The following XIRP2 variants were observed in gnomAD, a reference collection of about 807,000 sequenced individuals.
The protein encoded by XIRP2 is xin actin binding repeat containing 2, also known as xin actin-binding repeat-containing protein 2.
In XIRP2, 236 loss-of-function variants were observed where a neutral mutation model predicts 277.0. That is an observed-to-expected ratio of 0.85 (90% CI 0.77 to 0.95). The LOEUF is 0.95. Ranked by LOEUF, XIRP2 falls within the 40% of genes least tolerant of loss-of-function variation. XIRP2 has a pLI of 0.00. For missense variants in XIRP2, 4,640 were observed against 4,157.5 expected, an observed-to-expected ratio of 1.12 and a Z score of -3.19; for synonymous variants, 1,490 against 1,416.5, an observed-to-expected ratio of 1.05 and a Z score of -1.17.
At chr2:166,931,313 T>A (rs1036383294) in intron 2 of XIRP2, among the ~76,000 whole-genome samples, 5 of 152,172 alleles carry the variant, frequency 3.3e-5, no homozygotes, top group African/African-American at 9.7e-5. Context: ...TGTACACATT[T>A]CATGTGTGCA....
rs780874928 is a variant in XIRP2, at chr2:167,243,197, G to T, written c.1805G>T (p.Gly602Val). 1 of 1,614,076 alleles carries T rather than the reference G, an allele frequency of 6.2e-7. No individual in the cohort carries two copies. Among genetic ancestry groups the T allele is most frequent in the South Asian group, 1.1e-5 (1 of 91,068 alleles). ...CCTGATGAAGGTGATATTTCCAGGG[G>T]CATTGCTGATCAAGAAATCATTGCT... ...GSPDEGDISR[G>V]IADQEIIAGG... Residue 602 changes from glycine (G) to valine (V), a missense_variant, in exon 9 of 11, where the codon GGC becomes GTC. Coordinates refer to ENST00000409195, the MANE Select transcript of XIRP2 (RefSeq NM_152381.6).
chr2:167,166,829 GATTTGGGAGGGACAAAC>G (rs2105345712), intron 3 of XIRP2, among the ~76,000 whole-genome samples: 1 of 152,252 alleles, frequency 6.6e-6, no homozygotes, highest in African/African-American at 2.4e-5. Context: ...CTCAACATGA[GATTTGGGAGGGACAAAC>G]ATCCAAATTA....
chr2:167,024,093 G>A (rs1688071642), intron 2 of XIRP2, among the ~76,000 whole-genome samples: 1 of 146,980 alleles, frequency 6.8e-6, no homozygotes, highest in South Asian at 2.3e-4. Context: ...CATGAGCATG[G>A]AATGTTCTTC....
At position 167,247,088 on chromosome 2, in the gene XIRP2, T is replaced by A. The variant is rs748428961; in HGVS notation, c.5696T>A (p.Ile1899Asn). Reference protein sequence around the residue: ...DAIPGDIEKAIECLEKATNTK... With the variant: ...DAIPGDIEKANECLEKATNTK... ...ATCCCTGGTGATATTGAAAAAGCTA[T>A]TGAATGCCTTGAAAAAGCTACAAAT... Residue 1899 changes from isoleucine to asparagine, a missense_variant, in exon 9 of 11, where the codon ATT (isoleucine) becomes AAT (asparagine). Transcript: ENST00000409195. The A allele has an allele frequency of 7.4e-6, 12 of 1,612,662 alleles. No individual in the cohort carries two copies. The East Asian group carries it at 2.0e-4, about 27-fold the overall frequency.
intron 2 of XIRP2, among the ~76,000 whole-genome samples, chr2:167,117,411 G>A (rs979391378): frequency 1.3e-5 from 2 of 151,980 alleles, no homozygotes; most frequent in Admixed American, 6.6e-5. Context: ...ACTCAAATGC[G>A]ACCTTTGTTT....
At chr2:167,071,514 G>A (rs1281698617) in intron 2 of XIRP2, among the ~76,000 whole-genome samples, 1 of 152,096 alleles carries the variant, frequency 6.6e-6, no homozygotes, top group Non-Finnish European at 1.5e-5. Context: ...TTACCTTATG[G>A]GAGCAAACTC....
At chr2:167,158,217 A>G (rs769010777) in intron 3 of XIRP2, among the ~76,000 whole-genome samples, 10 of 152,196 alleles carry the variant, frequency 6.6e-5, no homozygotes, top group Non-Finnish European at 1.2e-4. Flanking sequence ...TTCTGAGACT[A>G]TATGGTTTTA....
chr2:167,021,575 G>A lies in XIRP2; in HGVS notation c.409-114334G>A, dbSNP rs147193264. Reference sequence around the variant, plus strand: ...TTCTTTAAAAGATTTACAGCTATCTGCAGTGGCTGATGTCTGGAATCCCAG... The same window carrying A: ...TTCTTTAAAAGATTTACAGCTATCTACAGTGGCTGATGTCTGGAATCCCAG... On this transcript the variant is annotated intron_variant, in intron 2 of 10. Transcript: ENST00000409195. Among the ~76,000 whole-genome samples, 604 of 152,076 alleles carry A rather than the reference G, an allele frequency of 4.0e-3. 5 individuals are homozygous for A. The highest frequency in any genetic ancestry group is 0.014 in the African/African-American group (572 of 41,510).
intron 3 of XIRP2, among the ~76,000 whole-genome samples, chr2:167,162,091 A>G (rs1171628179): frequency 1.3e-5 from 2 of 152,212 alleles, no homozygotes; most frequent in East Asian, 3.9e-4. Context: ...TCTACATCTG[A>G]GACCCCCTCA....
chr2:167,203,285 A>C (rs902473475), intron 3 of XIRP2, among the ~76,000 whole-genome samples: 1 of 152,220 alleles, frequency 6.6e-6, no homozygotes, highest in African/African-American at 2.4e-5. Context: ...AATCTCTTCC[A>C]GTATCTGGTG....
At chr2:167,045,192 T>G (rs568519257) in intron 2 of XIRP2, among the ~76,000 whole-genome samples, 7 of 152,210 alleles carry the variant, frequency 4.6e-5, no homozygotes, top group Admixed American at 1.3e-4. Flanking sequence ...GATAGTTGGC[T>G]AGCCATATGC....
Position 167,243,698 on chromosome 2 carries a change from C to T in XIRP2, c.2306C>T (p.Thr769Ile). The T allele has an allele frequency of 6.2e-7, 1 of 1,614,010 alleles. No homozygotes were observed. The highest frequency in any genetic ancestry group is 8.5e-7 in the Non-Finnish European group (1 of 1,179,928). ...REDVEKGDVR[T>I]ARWMFETQPL... ...GACGTTGAAAAGGGAGATGTAAGAA[C>T]AGCACGGTGGATGTTTGAAACACAG... Residue 769 changes from threonine to isoleucine, a missense_variant, in exon 9 of 11, where the codon ACA becomes ATA. Transcript: ENST00000409195.
chr2:166,975,595 A>G (rs550084890), intron 2 of XIRP2, among the ~76,000 whole-genome samples: 5 of 152,318 alleles, frequency 3.3e-5, no homozygotes, highest in Admixed American at 1.3e-4. Flanking sequence ...AATGTCCTAC[A>G]TTCTAATTAG....
chr2:166,921,932 C>T (rs891324654), intron 2 of XIRP2, among the ~76,000 whole-genome samples: 1 of 152,164 alleles, frequency 6.6e-6, no homozygotes, highest in Non-Finnish European at 1.5e-5. Flanking sequence ...CTCTGGCTTG[C>T]ACACCTGTCT....
At position 167,248,707 on chromosome 2, in the gene XIRP2, G is replaced by C; in HGVS notation, c.7315G>C (p.Asp2439His). The change falls in exon 9 of 11, where the codon GAT becomes CAT. Residue 2439 changes from aspartate (D) to histidine (H), a missense_variant. Coordinates refer to ENST00000409195, the MANE Select transcript of XIRP2 (RefSeq NM_152381.6). Reference sequence around the variant, plus strand: ...CAAGCATATAAAAGATAATAAGAACGATTTTTCCCCCAAAGTTGAACTGGC... The same window carrying C: ...CAAGCATATAAAAGATAATAAGAACCATTTTTCCCCCAAAGTTGAACTGGC... ...LPKHIKDNKN[D>H]FSPKVELATS... The C allele has an allele frequency of 6.2e-7, 1 of 1,613,644 alleles. No homozygotes were observed. Among genetic ancestry groups the C allele is most frequent in the East Asian group, 2.2e-5 (1 of 44,844 alleles).
chr2:167,251,641 G>A lies in XIRP2; in HGVS notation c.10249G>A (p.Glu3417Lys). The A allele has an allele frequency of 6.2e-7, 1 of 1,613,426 alleles. No individual in the cohort carries two copies. Among genetic ancestry groups the A allele is most frequent in the Non-Finnish European group, 8.5e-7 (1 of 1,179,622 alleles). ...RICSETRSLS[E>K]HFSGMDAFES... ...CTGCTCTGAAACCAGGTCTCTAAGT[G>A]AACATTTCTCAGGCATGGATGCATT... is the stretch of plus-strand genomic sequence containing the variant. The change falls in exon 9 of 11, where the codon GAA becomes AAA. Residue 3417 changes from glutamate (E) to lysine (K), a missense_variant. Glu to Lys is a moderately conservative substitution (Grantham distance 56). Coordinates refer to ENST00000409195, the MANE Select transcript of XIRP2 (RefSeq NM_152381.6).
chr2:166,987,994 C>G (rs115836655), intron 2 of XIRP2, among the ~76,000 whole-genome samples: 1 of 152,140 alleles, frequency 6.6e-6, no homozygotes, highest in Admixed American at 6.5e-5. Context: ...AAAATAACCA[C>G]GAAGCAAACT....
intron 2 of XIRP2, among the ~76,000 whole-genome samples, chr2:167,032,239 C>T (rs1396114612): frequency 6.6e-6 from 1 of 152,126 alleles, no homozygotes; most frequent in Non-Finnish European, 1.5e-5. Context: ...GTTGGGAAAA[C>T]TGGCTAGCCA....
At chr2:167,038,630 A>ATT (rs1469607399) in intron 2 of XIRP2, among the ~76,000 whole-genome samples, 5 of 151,852 alleles carry the variant, frequency 3.3e-5, no homozygotes, top group Admixed American at 3.3e-4. Flanking sequence ...TACAAATAGT[A>ATT]AACCTAAAAT....
Sources: gnomAD v4.1 joint callset for allele counts (sites outside exome capture counted in the v4.1 genomes callset) on GRCh38, gnomAD v4.1.1 for gene constraint, MANE v1.5 for transcripts, NCBI Gene and HGNC (gene_info 2026-07-23, HGNC 2026-07-21) for gene names.